KCTD8: variants seen among roughly 807,000 people sequenced by gnomAD.
The protein encoded by KCTD8 is potassium channel tetramerization domain containing 8.
In KCTD8, 27 loss-of-function variants were observed where a neutral mutation model predicts 31.5. That is an observed-to-expected ratio of 0.86 (90% CI 0.63 to 1.18). KCTD8 has a LOEUF of 1.18. Ranked by LOEUF, KCTD8 falls within the 50% of genes most tolerant of loss-of-function variation. The pLI, the probability that KCTD8 is intolerant of heterozygous loss-of-function variation, is 0.00. For synonymous variants in KCTD8, 290 were observed against 280.0 expected, an observed-to-expected ratio of 1.04 and a Z score of -0.36; for missense variants, 658 against 647.7, an observed-to-expected ratio of 1.02 and a Z score of -0.17.
intron 1 of KCTD8, among the ~76,000 whole-genome samples, chr4:44,394,419 A>G (rs1720445198): frequency 6.6e-6 from 1 of 152,114 alleles, no homozygotes; most frequent in Non-Finnish European, 1.5e-5. Context: ...TTAAACTCAG[A>G]AAGAAAGAAA....
In KCTD8 at chr4:44,213,268, T is replaced by A. The variant is rs77513508; in HGVS notation, c.962-38018A>T. Among the ~76,000 whole-genome samples the A allele has an allele frequency of 7.2e-3, 1,090 of 152,256 alleles. 11 individuals carry two copies. Among genetic ancestry groups the A allele is most frequent in the African/African-American group, 0.025 (1,038 of 41,564 alleles). On this transcript the variant is annotated intron_variant, in intron 1 of 1. Transcript: ENST00000360029. ...TTTTATTGACCAAAATTTTTAATTA[T>A]ATTTTATTTTTGTTTCATATTTTTC...
intron 1 of KCTD8, among the ~76,000 whole-genome samples, chr4:44,327,616 T>C (rs904542947): frequency 2.6e-4 from 40 of 151,812 alleles, no homozygotes; most frequent in African/African-American, 9.2e-4. Context: ...TTATTACTAT[T>C]ATTATTTTAT....
chr4:44,222,701 C>G (rs971343644), intron 1 of KCTD8, among the ~76,000 whole-genome samples: 1 of 152,184 alleles, frequency 6.6e-6, no homozygotes, highest in Admixed American at 6.5e-5. Context: ...TGGAACTATA[C>G]ACAGAGGAAA....
intron 1 of KCTD8, among the ~76,000 whole-genome samples, chr4:44,342,194 A>T (rs933825100): frequency 1.3e-5 from 2 of 151,926 alleles, no homozygotes; most frequent in Non-Finnish European, 2.9e-5. Context: ...ACACGGTGAA[A>T]CCCCGTCTCT....
intron 1 of KCTD8, among the ~76,000 whole-genome samples, chr4:44,341,670 C>T (rs1007519499): frequency 6.6e-6 from 1 of 152,180 alleles, no homozygotes; most frequent in Admixed American, 6.5e-5. Context: ...CTGCAGCACT[C>T]CACTTTGAAA....
chr4:44,392,814 G>C (rs1205948488), intron 1 of KCTD8, among the ~76,000 whole-genome samples: 2 of 151,944 alleles, frequency 1.3e-5, no homozygotes, highest in Non-Finnish European at 2.9e-5. Flanking sequence ...CATAATTTCT[G>C]TCTTGAACAC....
At chr4:44,409,226 C>A (rs1377785170) in intron 1 of KCTD8, among the ~76,000 whole-genome samples, 5 of 146,606 alleles carry the variant, frequency 3.4e-5, no homozygotes, top group African/African-American at 5.1e-5. Context: ...TGTCAAAAGT[C>A]AAAAAAAAAA....
intron 1 of KCTD8, among the ~76,000 whole-genome samples, chr4:44,342,366 C>CAAA (rs34201696): frequency 2.6e-4 from 23 of 87,496 alleles, no homozygotes; most frequent in African/African-American, 5.3e-4. Flanking sequence ...AAGACTGTCT[C>CAAA]AAAAAAAAAA....
intron 1 of KCTD8, among the ~76,000 whole-genome samples, chr4:44,183,632 A>G (rs1285533184): frequency 6.6e-6 from 1 of 152,202 alleles, no homozygotes; most frequent in African/African-American, 2.4e-5. Context: ...TGTCTTTAAA[A>G]AGGCTGCATG....
At chr4:44,437,452 T>C (rs1721689470) in intron 1 of KCTD8, among the ~76,000 whole-genome samples, 1 of 152,166 alleles carries the variant, frequency 6.6e-6, no homozygotes, top group Non-Finnish European at 1.5e-5. Flanking sequence ...CATGAATAAA[T>C]ATAAATGAAC....
chr4:44,441,912 C>A (rs1293114213), intron 1 of KCTD8, among the ~76,000 whole-genome samples: 1 of 151,948 alleles, frequency 6.6e-6, no homozygotes, highest in East Asian at 1.9e-4. Flanking sequence ...AAAACTGTGG[C>A]AATGTATATG....
chr4:44,348,451 A>G (rs995145603), intron 1 of KCTD8, among the ~76,000 whole-genome samples: 1 of 152,188 alleles, frequency 6.6e-6, no homozygotes, highest in Non-Finnish European at 1.5e-5. Flanking sequence ...AAATAAATAT[A>G]AACTAGCCAG....
At chr4:44,384,118 T>A (rs1474266377) in intron 1 of KCTD8, among the ~76,000 whole-genome samples, 1 of 148,184 alleles carries the variant, frequency 6.7e-6, no homozygotes, top group Non-Finnish European at 1.5e-5. Context: ...AGATATCTTC[T>A]CACTCAGGTT....
chr4:44,430,135 A>G (rs904480579), intron 1 of KCTD8, among the ~76,000 whole-genome samples: 2 of 151,778 alleles, frequency 1.3e-5, no homozygotes, highest in African/African-American at 2.4e-5. Flanking sequence ...CTAAAGGTCT[A>G]TTGAAAGCTG....
chr4:44,229,217 C>T (rs1715048284), intron 1 of KCTD8, among the ~76,000 whole-genome samples: 1 of 152,120 alleles, frequency 6.6e-6, no homozygotes, highest in Non-Finnish European at 1.5e-5. Context: ...CCCCTACCCA[C>T]CAGGAATGTT....
intron 1 of KCTD8, among the ~76,000 whole-genome samples, chr4:44,427,141 A>C (rs538511774): frequency 6.6e-6 from 1 of 151,590 alleles, no homozygotes; most frequent in South Asian, 2.1e-4. Flanking sequence ...GAAAACTAGA[A>C]GTAGAAGAGA....
At chr4:44,369,802 A>G (rs185869523) in intron 1 of KCTD8, among the ~76,000 whole-genome samples, 138 of 149,574 alleles carry the variant, frequency 9.2e-4, no homozygotes, top group African/African-American at 3.4e-3. Flanking sequence ...TCTGCCTCAA[A>G]AATATAAAAA....
At chr4:44,362,073 G>A (rs771581333) in intron 1 of KCTD8, among the ~76,000 whole-genome samples, 3 of 152,112 alleles carry the variant, frequency 2.0e-5, no homozygotes, top group Non-Finnish European at 4.4e-5. Context: ...GATGAAGGTA[G>A]AGGAGATAAA....
At chr4:44,415,625 T>C (rs1451955945) in intron 1 of KCTD8, among the ~76,000 whole-genome samples, 2 of 152,130 alleles carry the variant, frequency 1.3e-5, no homozygotes, top group Non-Finnish European at 2.9e-5. Flanking sequence ...GCTACAGCCA[T>C]GGCTAAAAGG....
Sources: gnomAD v4.1 joint callset for allele counts (sites outside exome capture counted in the v4.1 genomes callset) on GRCh38, gnomAD v4.1.1 for gene constraint, MANE v1.5 for transcripts, NCBI Gene and HGNC (gene_info 2026-07-23, HGNC 2026-07-21) for gene names.